The following AKAP6 variants were observed in gnomAD, a reference collection of about 807,000 sequenced individuals.
The protein encoded by AKAP6 is A-kinase anchoring protein 6.
AKAP6 carries 58 observed loss-of-function variants against 188.5 expected under a neutral mutation model. The observed-to-expected ratio is 0.31, with a 90% CI of 0.25 to 0.38. AKAP6 has a LOEUF of 0.38. Among genes scored for constraint, AKAP6 ranks in the 10% least tolerant of loss-of-function variants. AKAP6 has a pLI of 1.00. For synonymous variants in AKAP6, 989 were observed against 998.6 expected, an observed-to-expected ratio of 0.99 and a Z score of 0.18; for missense variants, 2,710 against 2,740.0, an observed-to-expected ratio of 0.99 and a Z score of 0.24.
chr14:32,643,380 T>C (rs2139501080), intron 7 of AKAP6, among the ~76,000 whole-genome samples: 1 of 152,170 alleles, frequency 6.6e-6, no homozygotes, highest in South Asian at 2.1e-4. Flanking sequence ...TGATCTCGGC[T>C]CACTGCAACC....
intron 1 of AKAP6, among the ~76,000 whole-genome samples, chr14:32,393,243 G>A (rs555759620): frequency 1.4e-4 from 21 of 152,170 alleles, no homozygotes; most frequent in African/African-American, 4.6e-4. Context: ...AAACTGAAAA[G>A]GGTATTTAAT....
At chr14:32,579,596 A>C (rs995933569) in intron 5 of AKAP6, among the ~76,000 whole-genome samples, 6 of 152,136 alleles carry the variant, frequency 3.9e-5, no homozygotes, top group African/African-American at 1.2e-4. Context: ...CGCAATCAAG[A>C]GCTACTGTTA....
intron 1 of AKAP6, among the ~76,000 whole-genome samples, chr14:32,432,027 C>G (rs552984666): frequency 1.3e-4 from 20 of 152,198 alleles, no homozygotes; most frequent in African/African-American, 4.3e-4. Flanking sequence ...TAAAAAGTTT[C>G]CCCTCTATTT....
At chr14:32,560,828 G>A (rs1191237261) in intron 4 of AKAP6, among the ~76,000 whole-genome samples, 1 of 152,122 alleles carries the variant, frequency 6.6e-6, no homozygotes, top group African/African-American at 2.4e-5. Context: ...CTGGTAGGAT[G>A]TTTCAGAAAA....
chr14:32,589,946 G>A (rs1885418661), intron 5 of AKAP6, among the ~76,000 whole-genome samples: 2 of 152,150 alleles, frequency 1.3e-5, no homozygotes, highest in Admixed American at 1.3e-4. Context: ...CTCTCCATGT[G>A]TAGATTCATG....
intron 11 of AKAP6, among the ~76,000 whole-genome samples, chr14:32,766,221 T>C (rs1459428129): frequency 2.0e-5 from 3 of 152,166 alleles, no homozygotes; most frequent in African/African-American, 7.2e-5. Flanking sequence ...TAATATTACA[T>C]TATATGTATT....
chr14:32,407,629 C>T (rs981144936), intron 1 of AKAP6, among the ~76,000 whole-genome samples: 5 of 152,260 alleles, frequency 3.3e-5, no homozygotes, highest in African/African-American at 7.2e-5. Flanking sequence ...TCCTTTGTTC[C>T]GCTTCCTGAT....
chr14:32,435,353 A>G (rs1489803382), intron 2 of AKAP6, among the ~76,000 whole-genome samples: 1 of 152,234 alleles, frequency 6.6e-6, no homozygotes, highest in Admixed American at 6.5e-5. Flanking sequence ...GTTAAGGGCT[A>G]TTAAAAACAT....
intron 9 of AKAP6, among the ~76,000 whole-genome samples, chr14:32,730,627 C>T: frequency 6.6e-6 from 1 of 152,010 alleles, no homozygotes. Flanking sequence ...GTGGCACAGC[C>T]AGAGGACTCT....
At chr14:32,344,698 T>G (rs1427015158) in intron 1 of AKAP6, among the ~76,000 whole-genome samples, 7 of 152,046 alleles carry the variant, frequency 4.6e-5, no homozygotes, top group Non-Finnish European at 5.9e-5. Flanking sequence ...GTCAGATCAC[T>G]TGAAGTCAGG....
chr14:32,786,152 G>A (rs142448919), intron 12 of AKAP6, among the ~76,000 whole-genome samples: 468 of 151,978 alleles, frequency 3.1e-3, no homozygotes, highest in Middle Eastern at 0.014. Context: ...TGCCAGCAGC[G>A]TCCCCATTGG....
At chr14:32,393,285 T>G (rs1888769329) in intron 1 of AKAP6, among the ~76,000 whole-genome samples, 1 of 152,132 alleles carries the variant, frequency 6.6e-6, no homozygotes, top group Non-Finnish European at 1.5e-5. Flanking sequence ...CAAAAATGTA[T>G]AACCTGATTT....
chr14:32,573,347 C>G (rs1884577139), intron 4 of AKAP6, among the ~76,000 whole-genome samples: 1 of 152,150 alleles, frequency 6.6e-6, no homozygotes. Context: ...TTATAGTCCT[C>G]TGACTTTCCA....
chr14:32,532,791 G>A (rs1350112233), intron 2 of AKAP6, among the ~76,000 whole-genome samples: 1 of 152,176 alleles, frequency 6.6e-6, no homozygotes, highest in Non-Finnish European at 1.5e-5. Flanking sequence ...GTATGAGGGA[G>A]TGGAGACTAC....
chr14:32,455,348 T>G (rs74041622), intron 2 of AKAP6, among the ~76,000 whole-genome samples: 3,034 of 152,272 alleles, frequency 0.02, 93 homozygotes, highest in African/African-American at 0.068. Flanking sequence ...CTTTTTAAAT[T>G]TCAGATTTCT....
chr14:32,558,692 C>T (rs1883798375), intron 4 of AKAP6, among the ~76,000 whole-genome samples: 1 of 152,140 alleles, frequency 6.6e-6, no homozygotes, highest in Non-Finnish European at 1.5e-5. Flanking sequence ...TTCTCTTTTA[C>T]CTAGAGGCAG....
At chr14:32,680,552 A>G (rs1435649237) in intron 8 of AKAP6, among the ~76,000 whole-genome samples, 2 of 152,186 alleles carry the variant, frequency 1.3e-5, no homozygotes, top group Admixed American at 6.5e-5. Flanking sequence ...TTCCACATGC[A>G]TATATCCAAT....
intron 5 of AKAP6, among the ~76,000 whole-genome samples, chr14:32,583,767 G>T (rs924976236): frequency 6.6e-6 from 1 of 152,164 alleles, no homozygotes; most frequent in African/African-American, 2.4e-5. Context: ...GTGGGCGTAG[G>T]ACCCTCTGAG....
chr14:32,518,752 C>A (rs896977100), intron 2 of AKAP6, among the ~76,000 whole-genome samples: 18 of 152,126 alleles, frequency 1.2e-4, no homozygotes, highest in Non-Finnish European at 2.1e-4. Context: ...GAGAATGGAA[C>A]CAAGTTGGAA....
Sources: allele counts gnomAD v4.1 joint callset (sites outside exome capture counted in the v4.1 genomes callset), GRCh38; gene constraint gnomAD v4.1.1; transcripts MANE v1.5; gene names NCBI Gene and HGNC (gene_info 2026-07-23, HGNC 2026-07-21).